Variants in ERBB2 observed in about 807,000 individuals in gnomAD.
The protein encoded by ERBB2 is receptor tyrosine-protein kinase erbB-2.
ERBB2 carries 61 observed loss-of-function variants against 149.0 expected under a neutral mutation model. The observed-to-expected ratio is 0.41, with a 90% CI of 0.33 to 0.51. The LOEUF (loss-of-function observed/expected upper bound fraction) is 0.51. ERBB2 is among the 20% of genes least tolerant of loss of function. ERBB2 has a pLI of 0.25. For missense variants in ERBB2, 1,205 were observed against 1,655.1 expected (o/e 0.73, Z 4.72); for synonymous variants, 633 against 678.8 (o/e 0.93, Z 1.05).
rs1055019467 is a variant in ERBB2 at position 39,716,086 on chromosome 17, C to A, written c.1513+147C>A. On this transcript the variant is annotated intron_variant, in intron 12 of 26. Coordinates refer to ENST00000269571, the MANE Select transcript of ERBB2 (RefSeq NM_004448.4). Reference sequence around the variant, plus strand: ...CTCAGCACAGCTCTGGCTGGCTTGGCCTCTTGGCATGGCTTCTCTAGCTGG... The same window carrying A: ...CTCAGCACAGCTCTGGCTGGCTTGGACTCTTGGCATGGCTTCTCTAGCTGG... 5.6e-5 allele frequency: 57 copies of A among 1,026,656 alleles called. 1 individual carries two copies. Among genetic ancestry groups the A allele is most frequent in the Middle Eastern group, 5.8e-4 (2 of 3,478 alleles). 63.6% of individuals were successfully genotyped at this position (1,026,656 alleles called of 1,614,324 possible). A position where few individuals can be genotyped will look rare whatever the true frequency, so the allele number is the denominator to read the frequency against.
chr17:39,699,116 G>C (rs2145251997), upstream of ERBB2, among the ~76,000 whole-genome samples: 1 of 152,232 alleles, frequency 6.6e-6, no homozygotes, highest in Non-Finnish European at 1.5e-5. Context: ...ATTGGGTGCT[G>C]GGTGCCTCCT....
intron 5 of ERBB2, 99 bp downstream of exon 5, chr17:39,709,980 C>A: frequency 6.7e-7 from 1 of 1,494,818 alleles, no homozygotes; most frequent in Non-Finnish European, 9.3e-7. Context: ...GGATAACAGG[C>A]TTGGGATGTC....
chr17:39,698,806 A>T (rs2057938853), upstream of ERBB2, among the ~76,000 whole-genome samples: 2 of 152,100 alleles, frequency 1.3e-5, no homozygotes, highest in South Asian at 4.1e-4. Flanking sequence ...TCCCTTCTTG[A>T]CCAGTATAGC....
intron 14 of ERBB2, 108 bp from the exon 15 acceptor site, chr17:39,717,212 C>T: frequency 1.1e-6 from 1 of 886,926 alleles, no homozygotes; most frequent in Non-Finnish European, 1.6e-6. Context: ...GCGAAAATTG[C>T]TGCTGGGTGG....
chr17:39,697,119 T>C (rs1474579701), upstream of ERBB2, among the ~76,000 whole-genome samples: 1 of 152,062 alleles, frequency 6.6e-6, no homozygotes, highest in Non-Finnish European at 1.5e-5. Flanking sequence ...CCTGGGCAAA[T>C]TGCTTACCTC....
In ERBB2 at chr17:39,715,511, G is replaced by A. The variant is rs767398280; in HGVS notation, c.1288G>A (p.Val430Ile). The A allele has an allele frequency of 6.2e-7, 1 of 1,614,224 alleles. No individual in the cohort carries two copies. The highest frequency in any genetic ancestry group is 1.7e-5 in the Admixed American group (1 of 60,026). ...PDLSVFQNLQVIRGRILHNGA... is the reference protein window; with the variant it reads ...PDLSVFQNLQIIRGRILHNGA... Reference sequence around the variant, plus strand: ...CCTCAGCGTCTTCCAGAACCTGCAAGTAATCCGGGGACGAATTCTGCACAA... The same window carrying A: ...CCTCAGCGTCTTCCAGAACCTGCAAATAATCCGGGGACGAATTCTGCACAA... Residue 430 changes from valine (V) to isoleucine (I), a missense_variant, in exon 11 of 27, where the codon GTA becomes ATA. Transcript: ENST00000269571.
chr17:39,698,378 G>A (rs1263943711), upstream of ERBB2, among the ~76,000 whole-genome samples: 1 of 151,730 alleles, frequency 6.6e-6, no homozygotes, highest in Non-Finnish European at 1.5e-5. Context: ...TCCTGCCTCA[G>A]CCTCCTGAGT....
chr17:39,723,999 G>T lies in ERBB2; in HGVS notation c.2296G>T (p.Glu766Ter). The change falls in exon 19 of 27, where the codon GAA becomes TAA. Residue 766 changes from glutamate to a stop codon, truncating the protein, a stop_gained. Coordinates refer to ENST00000269571, the MANE Select transcript of ERBB2 (RefSeq NM_004448.4). LOFTEE classifies it high-confidence loss of function. The surrounding 1 kb of genome is among the most constrained non-coding windows in gnomAD (Gnocchi z 6.2). Reference sequence around the variant, plus strand: ...AAACACATCCCCCAAAGCCAACAAAGAAATCTTAGACGTAAGCCCCTCCAC... The same window carrying T: ...AAACACATCCCCCAAAGCCAACAAATAAATCTTAGACGTAAGCCCCTCCAC... The part of the protein sequence containing the change: ...RENTSPKANK[E>*]ILDEAYVMAG... 3 of 1,613,384 alleles carry T rather than the reference G, an allele frequency of 1.9e-6. No individual in the cohort carries two copies. The highest frequency in any genetic ancestry group is 2.5e-6 in the Non-Finnish European group (3 of 1,179,610).
chr17:39,697,360 T>TG (rs1475385167), upstream of ERBB2, among the ~76,000 whole-genome samples: 10 of 150,152 alleles, frequency 6.7e-5, no homozygotes, highest in African/African-American at 2.2e-4. Context: ...TTTTGTTTTT[T>TG]TTTTTTTTTT....
chr17:39,695,615 C>T (rs950404747), upstream of ERBB2, among the ~76,000 whole-genome samples: 7 of 151,738 alleles, frequency 4.6e-5, no homozygotes, highest in Non-Finnish European at 7.4e-5. Flanking sequence ...GTGGACCAGA[C>T]GACTCCTCCC....
chr17:39,699,552 C>G, upstream of ERBB2: 1 of 1,534,926 alleles, frequency 6.5e-7, no homozygotes, highest in Non-Finnish European at 8.7e-7. Flanking sequence ...TCAAAGATTC[C>G]AGAAGATATG....
At position 39,727,481 on chromosome 17, in the gene ERBB2, C is replaced by T. The variant is rs1032811228; in HGVS notation, c.3346C>T (p.Pro1116Ser). ...PSPLQRYSED[P>S]TVPLPSETDG... is the part of the protein sequence containing the mutation. ...CCCTCTACAGCGGTACAGTGAGGACCCCACAGTACCCCTGCCCTCTGAGAC... is the reference window on the plus strand; with the variant it reads ...CCCTCTACAGCGGTACAGTGAGGACTCCACAGTACCCCTGCCCTCTGAGAC... Residue 1116 changes from proline (P) to serine (S), a missense_variant, in exon 26 of 27, where the codon CCC (proline) becomes TCC (serine). By Grantham distance (74) the Pro-to-Ser change is moderately conservative (BLOSUM62 -1). Around this residue, in one of 6 missense-constraint regions of ERBB2, gnomAD observed 312 missense variants for 343.8 expected, o/e 0.91. Coordinates refer to ENST00000269571, the MANE Select transcript of ERBB2 (RefSeq NM_004448.4). This position sits in a 1 kb window ranked among gnomAD's most constrained non-coding sequence, Gnocchi z 4.3. The T allele has an allele frequency of 8.1e-6, 13 of 1,605,492 alleles. No homozygotes were observed. Among genetic ancestry groups the T allele is most frequent in the African/African-American group, 4.0e-5 (3 of 74,296 alleles).
At chr17:39,690,725 C>T (rs1460230308), upstream of ERBB2, among the ~76,000 whole-genome samples, 2 of 152,170 alleles carry the variant, frequency 1.3e-5, no homozygotes, top group East Asian at 3.8e-4. Context: ...TTCTTCCTAA[C>T]TTGTATTTGG....
Position 39,728,230 on chromosome 17 carries a change from C to G in ERBB2, c.*186C>G. ...CCCAGATGGCTGGAAGGGGTCCAGCCTCGTTGGAAGAGGAACAGCACTGGG... is the reference window on the plus strand; with the variant it reads ...CCCAGATGGCTGGAAGGGGTCCAGCGTCGTTGGAAGAGGAACAGCACTGGG... On this transcript the variant is annotated 3_prime_UTR_variant, in exon 27 of 27. Coordinates refer to ENST00000269571, the MANE Select transcript of ERBB2 (RefSeq NM_004448.4). 1 of 548,962 alleles carries G rather than the reference C, an allele frequency of 1.8e-6. No individual in the cohort carries two copies. The highest frequency in any genetic ancestry group is 3.2e-6 in the Non-Finnish European group (1 of 308,826). The allele number at this position is 548,962 out of a possible 1,614,324, so 34.0% of individuals were successfully genotyped here. A position where few individuals can be genotyped will look rare whatever the true frequency, so the allele number is the denominator to read the frequency against.
chr17:39,708,558 C>T (rs768573301), intron 3 of ERBB2, 24 bp downstream of exon 3: 28 of 1,593,812 alleles, frequency 1.8e-5, no homozygotes, highest in Middle Eastern at 1.7e-4. Context: ...TCATTGAAAC[C>T]TTCTCTTGGT....
In ERBB2 at chr17:39,708,438, G is replaced by A. The variant is rs1272695341; in HGVS notation, c.343G>A (p.Ala115Thr). The A allele has an allele frequency of 8.1e-6, 13 of 1,614,208 alleles. No individual in the cohort carries two copies. The highest frequency in any genetic ancestry group is 1.1e-5 in the Non-Finnish European group (13 of 1,180,036). Residue 115 changes from alanine (A) to threonine (T), a missense_variant, in exon 3 of 27, where the codon GCC becomes ACC. Physicochemically the swap from Ala to Thr is moderately conservative, Grantham distance 58. This residue lies in a region of ERBB2 where 569 missense variants were observed against 803.5 expected (regional missense o/e 0.71). Transcript: ENST00000269571. Reference protein sequence around the residue: ...TQLFEDNYALAVLDNGDPLNN... With the variant: ...TQLFEDNYALTVLDNGDPLNN... ...GCTCTTTGAGGACAACTATGCCCTG[G>A]CCGTGCTAGACAATGGAGACCCGCT...
At chr17:39,697,363 T>G (rs1489517154), upstream of ERBB2, among the ~76,000 whole-genome samples, 3 of 150,598 alleles carry the variant, frequency 2.0e-5, no homozygotes, top group Admixed American at 6.6e-5. Context: ...TGTTTTTTTT[T>G]TTTTTTTTTG....
intron 1 of ERBB2, among the ~76,000 whole-genome samples, chr17:39,705,477 G>A (rs147360854): frequency 6.6e-6 from 1 of 152,302 alleles, no homozygotes; most frequent in Admixed American, 6.5e-5. Context: ...TGGGGAAGAG[G>A]AGGGGGTGCA....
Position 39,725,617 on chromosome 17 carries a change from C to A in ERBB2, c.2726-90C>A, listed in dbSNP as rs977256458. On this transcript the variant is annotated intron_variant, in intron 22 of 26. Transcript: ENST00000269571. This position sits in a 1 kb window ranked among gnomAD's most constrained non-coding sequence, Gnocchi z 4.6. ...GCATCACATCTCCCCCTGCTACCTG[C>A]CATGATGCTAGACTCCTGAGCAGAA... The A allele has an allele frequency of 7.0e-7, 1 of 1,420,062 alleles. No individual in the cohort carries two copies. The highest frequency in any genetic ancestry group is 9.6e-7 in the Non-Finnish European group (1 of 1,036,834). The allele number at this position is 1,420,062 out of a possible 1,614,324, so 88.0% of individuals were successfully genotyped here.
Sources: allele counts gnomAD v4.1 joint callset (sites outside exome capture counted in the v4.1 genomes callset), GRCh38; gene constraint gnomAD v4.1.1; regional missense constraint gnomAD v4.1.1; non-coding constraint Gnocchi (gnomAD v3.1); transcripts MANE v1.5; gene names NCBI Gene and HGNC (gene_info 2026-07-23, HGNC 2026-07-21).